The following ADAMTS17 variants were observed in gnomAD, a reference collection of about 807,000 sequenced individuals.
ADAMTS17 encodes ADAM metallopeptidase with thrombospondin type 1 motif 17, also known as A disintegrin and metalloproteinase with thrombospondin motifs 17.
In ADAMTS17, 113 loss-of-function variants were observed where a neutral mutation model predicts 141.5. That is an observed-to-expected ratio of 0.80 (90% CI 0.69 to 0.93). The LOEUF (loss-of-function observed/expected upper bound fraction) is 0.93. Ranked by LOEUF, ADAMTS17 falls within the 40% of genes least tolerant of loss-of-function variation. The pLI is 0.00. For missense variants in ADAMTS17, 1,659 were observed against 1,517.9 expected (o/e 1.09, Z -1.54); for synonymous variants, 768 against 630.6 (o/e 1.22, Z -3.27).
At position 99,972,685 on chromosome 15, in the gene ADAMTS17, C is replaced by G. The variant is rs1357983982; in HGVS notation, c.*1717G>C. ...ATCCTGACACCCTCGGTTCTTTCCACAGAGCACCCACGGAAGTTTCTCAAC... is the reference window on the plus strand; with the variant it reads ...ATCCTGACACCCTCGGTTCTTTCCAGAGAGCACCCACGGAAGTTTCTCAAC... On this transcript the variant is annotated 3_prime_UTR_variant, in exon 22 of 22. Coordinates refer to ENST00000268070, the MANE Select transcript of ADAMTS17 (RefSeq NM_139057.4). 6.6e-6 allele frequency: 1 copy of G among 152,204 alleles called. No individual in the cohort carries two copies. The highest frequency in any genetic ancestry group is 1.5e-5 in the Non-Finnish European group (1 of 68,058). 9.4% of individuals were successfully genotyped at this position (152,204 alleles called of 1,614,324 possible). A position where few individuals can be genotyped will look rare whatever the true frequency, so the allele number is the denominator to read the frequency against.
chr15:100,059,104 G>A (rs1326017249), intron 15 of ADAMTS17, among the ~76,000 whole-genome samples: 1 of 152,210 alleles, frequency 6.6e-6, no homozygotes, highest in Non-Finnish European at 1.5e-5. Flanking sequence ...ACACAGCTGT[G>A]GGGGCACTCC....
intron 18 of ADAMTS17, among the ~76,000 whole-genome samples, chr15:100,003,802 G>T (rs2060977948): frequency 6.6e-6 from 1 of 152,104 alleles, no homozygotes. Flanking sequence ...ACTTATGTGA[G>T]ATCCCTGGAG....
intron 10 of ADAMTS17, among the ~76,000 whole-genome samples, chr15:100,151,182 C>A (rs1030304397): frequency 3.9e-5 from 6 of 152,198 alleles, no homozygotes; most frequent in Middle Eastern, 3.2e-3. Context: ...CAGCTTCCCA[C>A]TGGTCTCTGG....
At chr15:99,977,748 A>G (rs1341722929) in intron 20 of ADAMTS17, among the ~76,000 whole-genome samples, 1 of 151,918 alleles carries the variant, frequency 6.6e-6, no homozygotes, top group Non-Finnish European at 1.5e-5. Flanking sequence ...TTTCCCAGGT[A>G]GGAACTGGCC....
intron 15 of ADAMTS17, among the ~76,000 whole-genome samples, chr15:100,067,312 G>C (rs916276030): frequency 6.6e-6 from 1 of 150,430 alleles, no homozygotes; most frequent in African/African-American, 2.5e-5. Flanking sequence ...CTTTTCCACT[G>C]TCTTCCCTTA....
chr15:100,328,410 T>C (rs750295754), intron 3 of ADAMTS17, among the ~76,000 whole-genome samples: 31 of 152,176 alleles, frequency 2.0e-4, no homozygotes, highest in Non-Finnish European at 1.6e-4. Context: ...AAGCAAAATA[T>C]GTAACTCTCC....
At chr15:100,096,553 C>T (rs2035771850) in intron 14 of ADAMTS17, 77 bp from the exon 15 acceptor site, 9 of 1,603,926 alleles carry the variant, frequency 5.6e-6, no homozygotes, top group African/African-American at 2.7e-5. Context: ...GCAAGGCTAA[C>T]TTTTCCATGA....
intron 3 of ADAMTS17, among the ~76,000 whole-genome samples, chr15:100,297,803 C>G (rs2044876352): frequency 6.6e-6 from 1 of 152,186 alleles, no homozygotes; most frequent in African/African-American, 2.4e-5. Context: ...TCATCAGTTC[C>G]AGACGAATCC....
At chr15:100,233,311 C>T (rs2042547829) in intron 7 of ADAMTS17, among the ~76,000 whole-genome samples, 1 of 143,866 alleles carries the variant, frequency 7.0e-6, no homozygotes, top group South Asian at 2.2e-4. Context: ...GCCTGGGCAA[C>T]AAGAGTGAAA....
intron 8 of ADAMTS17, among the ~76,000 whole-genome samples, chr15:100,169,916 G>T: frequency 6.6e-6 from 1 of 151,966 alleles, no homozygotes; most frequent in Non-Finnish European, 1.5e-5. Flanking sequence ...GGCCACTCCC[G>T]GGGGCACTCA....
intron 8 of ADAMTS17, among the ~76,000 whole-genome samples, chr15:100,181,923 C>T (rs2040539166): frequency 6.6e-6 from 1 of 152,178 alleles, no homozygotes; most frequent in Admixed American, 6.5e-5. Flanking sequence ...GCCCAAACTG[C>T]CTTTCACGTT....
chr15:100,024,276 T>G (rs1330279372), intron 18 of ADAMTS17, among the ~76,000 whole-genome samples: 1 of 152,202 alleles, frequency 6.6e-6, no homozygotes, highest in Non-Finnish European at 1.5e-5. Flanking sequence ...AAATTTTTTT[T>G]GTAGAGATGT....
intron 9 of ADAMTS17, 28 bp downstream of exon 9, chr15:100,155,152 C>G (rs1325087999): frequency 3.1e-6 from 5 of 1,614,144 alleles, no homozygotes; most frequent in Non-Finnish European, 4.2e-6. Flanking sequence ...TGATTGCATT[C>G]ATCCTATAGA....
intron 4 of ADAMTS17, among the ~76,000 whole-genome samples, chr15:100,271,037 G>A (rs1305591360): frequency 6.6e-6 from 1 of 151,870 alleles, no homozygotes; most frequent in East Asian, 2.0e-4. Context: ...GTAGCATAAT[G>A]TCTTCACAGC....
chr15:100,198,995 G>C (rs549733588), intron 8 of ADAMTS17, among the ~76,000 whole-genome samples: 2 of 152,364 alleles, frequency 1.3e-5, no homozygotes, highest in Admixed American at 6.5e-5. Flanking sequence ...AATAGACTTA[G>C]AGTGAATCAA....
intron 4 of ADAMTS17, among the ~76,000 whole-genome samples, chr15:100,263,163 C>T (rs1239145911): frequency 2.0e-5 from 3 of 152,112 alleles, no homozygotes; most frequent in South Asian, 2.1e-4. Flanking sequence ...TTAAGGCGAC[C>T]TTCATGAAGG....
At chr15:100,045,688 T>C (rs971338043) in intron 18 of ADAMTS17, among the ~76,000 whole-genome samples, 1 of 152,118 alleles carries the variant, frequency 6.6e-6, no homozygotes, top group African/African-American at 2.4e-5. Flanking sequence ...CTGCTATGGG[T>C]TTCCCTGAAT....
chr15:100,111,825 C>T (rs1325047139), intron 13 of ADAMTS17, among the ~76,000 whole-genome samples: 1 of 152,214 alleles, frequency 6.6e-6, no homozygotes, highest in Non-Finnish European at 1.5e-5. Flanking sequence ...GTCACTGTTC[C>T]ATTATACAGA....
chr15:100,174,931 A>C (rs1351971289), intron 8 of ADAMTS17, among the ~76,000 whole-genome samples: 3 of 152,178 alleles, frequency 2.0e-5, no homozygotes, highest in Non-Finnish European at 4.4e-5. Flanking sequence ...TGTTCCATAC[A>C]AAAAAGCCTC....
Sources: allele counts gnomAD v4.1 joint callset (sites outside exome capture counted in the v4.1 genomes callset), GRCh38; gene constraint gnomAD v4.1.1; transcripts MANE v1.5; gene names NCBI Gene and HGNC (gene_info 2026-07-23, HGNC 2026-07-21).